IL1RAPL2: variants seen among roughly 807,000 people sequenced by gnomAD.
IL1RAPL2 encodes the protein interleukin 1 receptor accessory protein like 2, also known as X-linked interleukin-1 receptor accessory protein-like 2.
A neutral mutation model predicts 44.1 loss-of-function variants in IL1RAPL2; 3 were observed. The ratio of observed to expected loss-of-function variants is 0.07; its 90% CI spans 0.03 to 0.18. IL1RAPL2 has a LOEUF of 0.18. Among genes scored for constraint, IL1RAPL2 ranks in the 10% least tolerant of loss-of-function variants. The pLI is 1.00. For synonymous variants in IL1RAPL2, 181 were observed against 178.8 expected, an observed-to-expected ratio of 1.01 and a Z score of -0.10; for missense variants, 391 against 496.4, an observed-to-expected ratio of 0.79 and a Z score of 2.02.
intron 6 of IL1RAPL2, among the ~76,000 whole-genome samples, chrX:105,715,555 T>G (rs771489501): frequency 1.3e-4 from 15 of 111,519 alleles, no homozygotes; most frequent in Admixed American, 1.3e-3. Flanking sequence ...AGGGAAATTC[T>G]CAGGCCTTAG....
In IL1RAPL2 at chrX:105,704,787, A is replaced by AC. The variant is rs2038151014; in HGVS notation, c.773-12577dup. Among the ~76,000 whole-genome samples, 3 of 109,347 alleles carry AC rather than the reference A, an allele frequency of 2.7e-5. No homozygotes were observed. In the Admixed American group the frequency reaches 3.0e-4, roughly 11 times the overall value. The allele number at this position is 109,347 out of a possible 115,157, so 95.0% of individuals were successfully genotyped here. A position where few individuals can be genotyped will look rare whatever the true frequency, so the allele number is the denominator to read the frequency against. On this transcript the variant is annotated intron_variant, in intron 6 of 10. Transcript: ENST00000372582. ...CTAATGTTCTCCCTCCCACCACCCC[A>AC]CCCACCAACAGGAGAGGCAGCAATT...
chrX:105,280,336 A>T (rs959757241), intron 5 of IL1RAPL2, among the ~76,000 whole-genome samples: 1 of 111,889 alleles, frequency 8.9e-6, no homozygotes, highest in African/African-American at 3.3e-5. Flanking sequence ...CTAGAAGCAA[A>T]CATGGGCAAT....
At chrX:105,516,831 T>A (rs1464741540) in intron 6 of IL1RAPL2, among the ~76,000 whole-genome samples, 3 of 111,760 alleles carry the variant, frequency 2.7e-5, no homozygotes, top group Non-Finnish European at 3.8e-5. Context: ...TCCAAGTAGA[T>A]GATACAGACA....
chrX:105,196,732 A>G (rs1051659234), intron 3 of IL1RAPL2, among the ~76,000 whole-genome samples: 1 of 111,232 alleles, frequency 9.0e-6, no homozygotes. Flanking sequence ...CCTCTACCCC[A>G]GTGATAGAAT....
chrX:105,591,676 C>T (rs1367184327), intron 6 of IL1RAPL2, among the ~76,000 whole-genome samples: 1 of 111,483 alleles, frequency 9.0e-6, no homozygotes, highest in Non-Finnish European at 1.9e-5. Context: ...ATTGTTAACT[C>T]AAAAGTCATT....
intron 7 of IL1RAPL2, among the ~76,000 whole-genome samples, chrX:105,728,338 A>ATGTC (rs1418926617): frequency 1.8e-5 from 2 of 111,352 alleles, no homozygotes; most frequent in African/African-American, 6.5e-5. Context: ...AGGTTCCTAC[A>ATGTC]TGTCTTTTCA....
At position 105,118,637 on chromosome X, in the gene IL1RAPL2, A is replaced by G. The variant is rs754017816; in HGVS notation, c.83-76838A>G. Among the ~76,000 whole-genome samples the G allele has an allele frequency of 1.7e-4, 19 of 112,245 alleles. No individual in the cohort carries two copies. The Admixed American group carries it at 1.7e-3, about 10-fold the overall frequency. ...AAAGGAAAACATGTTATAAAAATCT[A>G]AAATCTCCATGGACTTTTGAGCAAT... On this transcript the variant is annotated intron_variant, in intron 2 of 10. Transcript: ENST00000372582.
rs372337114 is a variant in IL1RAPL2 at position 105,407,401 on chromosome X, A to G, written c.698-76912A>G. Among the ~76,000 whole-genome samples, 8 of 111,342 alleles carry G rather than the reference A, an allele frequency of 7.2e-5. No individual in the cohort carries two copies. In the East Asian group the frequency reaches 2.0e-3, roughly 28 times the overall value. On this transcript the variant is annotated intron_variant, in intron 5 of 10. Transcript: ENST00000372582. ...GAAATACCATCTTGGTTTGAGATGC[A>G]TTTGAGGATTTTAATTTATGGAAAG...
At chrX:105,032,903 G>C (rs754622035) in intron 2 of IL1RAPL2, among the ~76,000 whole-genome samples, 1 of 111,318 alleles carries the variant, frequency 9.0e-6, no homozygotes, top group East Asian at 2.8e-4. Flanking sequence ...TATGAATCTG[G>C]GTGCTCCAGT....
At chrX:105,274,112 T>C (rs1400362962) in intron 5 of IL1RAPL2, among the ~76,000 whole-genome samples, 4 of 112,306 alleles carry the variant, frequency 3.6e-5, no homozygotes, top group Non-Finnish European at 7.5e-5. Context: ...ATGTCTATCA[T>C]TCCACTATAA....
chrX:105,193,876 A>C (rs2033653260), intron 2 of IL1RAPL2, among the ~76,000 whole-genome samples: 1 of 111,917 alleles, frequency 8.9e-6, no homozygotes, highest in Admixed American at 9.5e-5. Context: ...GTTTATTTCT[A>C]ATGAATACTT....
chrX:105,508,080 G>A (rs2036443859), intron 6 of IL1RAPL2, among the ~76,000 whole-genome samples: 1 of 111,552 alleles, frequency 9.0e-6, no homozygotes. Context: ...CCATTGCAAT[G>A]TATAGCTGCC....
chrX:104,862,525 G>T lies in IL1RAPL2; in HGVS notation c.82+203530G>T, dbSNP rs778109716. 1.5e-4 allele frequency among the ~76,000 whole-genome samples: 17 copies of T among 110,293 alleles called. No individual in the cohort carries two copies. The South Asian group carries it at 6.7e-3, about 43-fold the overall frequency. On this transcript the variant is annotated intron_variant, in intron 2 of 10. Transcript: ENST00000372582. ...AGACCATGTGAAAACATAGGAAAAA[G>T]ACTTCTACCAACAAACCAAAAAAAG...
chrX:105,074,047 T>C (rs1195266966), intron 2 of IL1RAPL2, among the ~76,000 whole-genome samples: 2 of 111,661 alleles, frequency 1.8e-5, no homozygotes, highest in Non-Finnish European at 3.8e-5. Flanking sequence ...TTAGTTTAAT[T>C]AGATCCCATT....
intron 2 of IL1RAPL2, among the ~76,000 whole-genome samples, chrX:104,761,845 T>TCTC (rs1356463728): frequency 4.3e-4 from 23 of 53,931 alleles, no homozygotes; most frequent in East Asian, 7.1e-4. Flanking sequence ...TCCTTCTCCT[T>TCTC]CTTCTCCTTC....
chrX:104,885,571 C>T (rs1280098894), intron 2 of IL1RAPL2, among the ~76,000 whole-genome samples: 2 of 111,725 alleles, frequency 1.8e-5, no homozygotes, highest in Non-Finnish European at 3.8e-5. Context: ...CAAAAGCAAG[C>T]CCTGGGTCCT....
chrX:105,359,218 A>G (rs1340984534), intron 5 of IL1RAPL2, among the ~76,000 whole-genome samples: 1 of 111,760 alleles, frequency 8.9e-6, no homozygotes, highest in African/African-American at 3.3e-5. Context: ...AGCATTTACT[A>G]TAAGGCATTG....
intron 6 of IL1RAPL2, among the ~76,000 whole-genome samples, chrX:105,623,194 CA>C (rs1337293775): frequency 9.1e-6 from 1 of 110,065 alleles, no homozygotes; most frequent in African/African-American, 3.3e-5. Context: ...AATTTATACA[CA>C]AGAATATTGA....
intron 2 of IL1RAPL2, among the ~76,000 whole-genome samples, chrX:104,745,822 T>A (rs1232658266): frequency 1.8e-5 from 2 of 111,612 alleles, no homozygotes; most frequent in African/African-American, 3.3e-5. Context: ...GTGATCAAAC[T>A]GTTTGAAATA....
Sources: gnomAD v4.1 joint callset for allele counts (sites outside exome capture counted in the v4.1 genomes callset) on GRCh38, gnomAD v4.1.1 for gene constraint, MANE v1.5 for transcripts, NCBI Gene and HGNC (gene_info 2026-07-23, HGNC 2026-07-21) for gene names.